Variants in NDST4 observed in about 807,000 individuals in gnomAD.
NDST4 encodes the protein N-heparan sulfate sulfotransferase 4.
In NDST4, 63 loss-of-function variants were observed where a neutral mutation model predicts 100.8. That is an observed-to-expected ratio of 0.62 (90% CI 0.51 to 0.77). The LOEUF is 0.77. NDST4 is among the 30% of genes least tolerant of loss of function. NDST4 has a pLI of 0.00. For missense variants in NDST4, 943 were observed against 1,018.4 expected, an observed-to-expected ratio of 0.93 and a Z score of 1.01; for synonymous variants, 377 against 361.8, an observed-to-expected ratio of 1.04 and a Z score of -0.48.
In NDST4 at chr4:114,935,209, G is replaced by A. The variant is rs199867308; in HGVS notation, c.1533C>T (p.Asn511=). The A allele has an allele frequency of 6.2e-7, 1 of 1,605,442 alleles. No homozygotes were observed. The highest frequency in any genetic ancestry group is 8.5e-7 in the Non-Finnish European group (1 of 1,176,134). The stretch of plus-strand genomic sequence containing the variant: ...GGTGCATACATAGAATACATACTGG[G>A]TTTAGAAGGATTGTGAGAAAAAGTT... The part of the protein sequence containing the change: ...GGELFLTILL[N]PISIFMTHLS... The change falls in exon 6 of 14, where the codon AAC becomes AAT. Residue 511 remains asparagine (N), a synonymous_variant. Coordinates refer to ENST00000264363, the MANE Select transcript of NDST4 (RefSeq NM_022569.3).
chr4:114,899,520 G>C (rs551158193), intron 6 of NDST4, among the ~76,000 whole-genome samples: 23 of 151,248 alleles, frequency 1.5e-4, no homozygotes, highest in South Asian at 1.5e-3. Context: ...TCTATTCCTA[G>C]TTTACTGAAA....
intron 2 of NDST4, among the ~76,000 whole-genome samples, chr4:114,988,877 T>C (rs1028418347): frequency 6.6e-6 from 1 of 152,196 alleles, no homozygotes; most frequent in African/African-American, 2.4e-5. Flanking sequence ...AGGACCATAA[T>C]TGGTTATAGA....
Position 114,921,988 on chromosome 4 carries a change from A to G in NDST4, c.1536+13218T>C, listed in dbSNP as rs1202653201. 2.0e-5 allele frequency among the ~76,000 whole-genome samples: 3 copies of G among 149,750 alleles called. No homozygotes were observed. In the East Asian group the frequency reaches 6.1e-4, roughly 30 times the overall value. On this transcript the variant is annotated intron_variant, in intron 6 of 13. Coordinates refer to ENST00000264363, the MANE Select transcript of NDST4 (RefSeq NM_022569.3). ...TGACACAACATTAACAATTCATGTG[A>G]AAGTGTTACAGTCGGTAGTTAGTCA...
intron 2 of NDST4, among the ~76,000 whole-genome samples, chr4:114,994,125 A>G (rs1249500706): frequency 6.6e-6 from 1 of 152,040 alleles, no homozygotes; most frequent in African/African-American, 2.4e-5. Flanking sequence ...TGGAGTACTT[A>G]GTAGCCACTT....
intron 1 of NDST4, among the ~76,000 whole-genome samples, chr4:115,108,645 G>GA (rs34309563): frequency 6.6e-6 from 1 of 151,116 alleles, no homozygotes; most frequent in South Asian, 2.1e-4. Context: ...GGGAGTGTTG[G>GA]AAAAAAAAGA....
At chr4:115,091,727 A>G (rs75898073) in intron 1 of NDST4, among the ~76,000 whole-genome samples, 1 of 152,184 alleles carries the variant, frequency 6.6e-6, no homozygotes, top group Non-Finnish European at 1.5e-5. Flanking sequence ...ATAACGTATC[A>G]TTAGGAGGTT....
chr4:114,842,280 A>G (rs1266503666), intron 10 of NDST4, among the ~76,000 whole-genome samples: 1 of 151,734 alleles, frequency 6.6e-6, no homozygotes, highest in Admixed American at 6.6e-5. Flanking sequence ...CCCTCTTTTC[A>G]TCAGATTAAC....
At chr4:114,994,775 T>G (rs532957891) in intron 2 of NDST4, among the ~76,000 whole-genome samples, 1 of 152,032 alleles carries the variant, frequency 6.6e-6, no homozygotes, top group South Asian at 2.1e-4. Context: ...CTTATCCTCT[T>G]GGGTTTAAAA....
At chr4:114,870,173 C>A (rs1724117479) in intron 7 of NDST4, among the ~76,000 whole-genome samples, 1 of 152,072 alleles carries the variant, frequency 6.6e-6, no homozygotes, top group African/African-American at 2.4e-5. Context: ...GGCTAAGTGG[C>A]CCCACATGAA....
chr4:114,992,975 G>A (rs968365173), intron 2 of NDST4, among the ~76,000 whole-genome samples: 2 of 151,636 alleles, frequency 1.3e-5, no homozygotes, highest in African/African-American at 4.8e-5. Flanking sequence ...AACCACTTCA[G>A]TTCCAGAATT....
chr4:114,889,425 A>T (rs192373056), intron 6 of NDST4, among the ~76,000 whole-genome samples: 65 of 152,288 alleles, frequency 4.3e-4, no homozygotes, highest in African/African-American at 1.5e-3. Context: ...GACCTTGAAG[A>T]ATATATTAAG....
chr4:115,054,015 T>C (rs911602869), intron 2 of NDST4, among the ~76,000 whole-genome samples: 1 of 152,094 alleles, frequency 6.6e-6, no homozygotes, highest in East Asian at 1.9e-4. Flanking sequence ...ACTAAGCATG[T>C]TACCCACTGT....
At chr4:115,013,346 C>T (rs866885279) in intron 2 of NDST4, among the ~76,000 whole-genome samples, 11 of 65,360 alleles carry the variant, frequency 1.7e-4, no homozygotes, top group Admixed American at 1.9e-4. Flanking sequence ...ATATAAATAC[C>T]ATATATATAT....
intron 2 of NDST4, among the ~76,000 whole-genome samples, chr4:115,074,691 A>C (rs746995044): frequency 6.6e-6 from 1 of 152,128 alleles, no homozygotes; most frequent in African/African-American, 2.4e-5. Flanking sequence ...AAGTGAACTT[A>C]TTCTACTGCT....
chr4:114,895,879 G>T (rs894130397), intron 6 of NDST4, among the ~76,000 whole-genome samples: 1 of 151,758 alleles, frequency 6.6e-6, no homozygotes, highest in African/African-American at 2.4e-5. Context: ...ATGCAAGCCT[G>T]GTTCAATATA....
intron 6 of NDST4, among the ~76,000 whole-genome samples, chr4:114,918,741 G>A (rs983951629): frequency 2.6e-5 from 4 of 151,922 alleles, no homozygotes; most frequent in Admixed American, 1.3e-4. Context: ...CAACTATTTT[G>A]ACCAATCAGA....
intron 2 of NDST4, among the ~76,000 whole-genome samples, chr4:115,045,619 C>A (rs1198872895): frequency 1.3e-5 from 2 of 152,166 alleles, no homozygotes; most frequent in African/African-American, 4.8e-5. Context: ...AACAACAGAT[C>A]CCCTACCATC....
chr4:114,954,191 A>G (rs988513594), intron 4 of NDST4, among the ~76,000 whole-genome samples: 4 of 151,896 alleles, frequency 2.6e-5, no homozygotes, highest in Non-Finnish European at 4.4e-5. Context: ...TTTTAAACTT[A>G]ATTTTTTTGC....
intron 6 of NDST4, among the ~76,000 whole-genome samples, chr4:114,898,534 T>A (rs574605071): frequency 6.6e-6 from 1 of 152,174 alleles, no homozygotes; most frequent in East Asian, 1.9e-4. Flanking sequence ...TGGGTCTTTT[T>A]GCCTCCTCGT....
Sources: gnomAD v4.1 joint callset for allele counts (sites outside exome capture counted in the v4.1 genomes callset) on GRCh38, gnomAD v4.1.1 for gene constraint, MANE v1.5 for transcripts, NCBI Gene and HGNC (gene_info 2026-07-23, HGNC 2026-07-21) for gene names.